KCNAB1: variants seen among roughly 807,000 people sequenced by gnomAD.
KCNAB1 encodes potassium voltage-gated channel subfamily A regulatory beta subunit 1.
Under a neutral mutation model 64.6 loss-of-function variants are expected in KCNAB1, and 35 were observed. That is an observed-to-expected ratio of 0.54 (90% CI 0.41 to 0.72). KCNAB1 has a LOEUF of 0.72. KCNAB1 is among the 30% of genes least tolerant of loss of function. The pLI is 0.00. For missense variants in KCNAB1, 401 were observed against 512.9 expected, an observed-to-expected ratio of 0.78 and a Z score of 2.11; for synonymous variants, 177 against 183.8, an observed-to-expected ratio of 0.96 and a Z score of 0.30.
At chr3:156,314,821 T>A (rs1241399629) in intron 1 of KCNAB1, among the ~76,000 whole-genome samples, 1 of 152,194 alleles carries the variant, frequency 6.6e-6, no homozygotes, top group Non-Finnish European at 1.5e-5. Flanking sequence ...AAAACCAGCC[T>A]GGCCAACATG....
chr3:156,278,180 A>G (rs901261649), intron 1 of KCNAB1, among the ~76,000 whole-genome samples: 4 of 152,242 alleles, frequency 2.6e-5, no homozygotes, highest in Non-Finnish European at 4.4e-5. Context: ...TGAGATAAAG[A>G]GACATGTAAT....
chr3:156,410,505 G>C (rs1714573660), intron 1 of KCNAB1, among the ~76,000 whole-genome samples: 1 of 152,100 alleles, frequency 6.6e-6, no homozygotes, highest in African/African-American at 2.4e-5. Context: ...AATTTGCATA[G>C]AGTGAAATTC....
chr3:156,220,876 C>T (rs1576618452), intron 1 of KCNAB1, among the ~76,000 whole-genome samples: 1 of 152,180 alleles, frequency 6.6e-6, no homozygotes, highest in East Asian at 1.9e-4. Context: ...TTTAATCTGT[C>T]TTGACTTAAT....
chr3:156,260,983 C>G (rs1252947734), intron 1 of KCNAB1, among the ~76,000 whole-genome samples: 3 of 152,060 alleles, frequency 2.0e-5, no homozygotes, highest in Admixed American at 6.5e-5. Flanking sequence ...TTTGCATTTC[C>G]TTAATGACTA....
upstream of KCNAB1, chr3:156,120,456 C>A: frequency 4.8e-6 from 4 of 840,936 alleles, no homozygotes; most frequent in Non-Finnish European, 7.6e-6. Context: ...ACATTTTCAT[C>A]CCAAGCCACA....
chr3:156,203,287 C>T (rs1029488556), intron 1 of KCNAB1, among the ~76,000 whole-genome samples: 1 of 152,150 alleles, frequency 6.6e-6, no homozygotes, highest in Non-Finnish European at 1.5e-5. Context: ...TTCTCTGGTC[C>T]TATAAAAGTT....
intron 7 of KCNAB1, among the ~76,000 whole-genome samples, chr3:156,466,418 T>TAATG (rs1281112888): frequency 1.3e-5 from 2 of 152,282 alleles, no homozygotes; most frequent in Admixed American, 1.3e-4. Context: ...CTACTCTGAA[T>TAATG]AATGCTGCTA....
rs369634615 is a variant in KCNAB1, at chr3:156,144,996, C to T, written c.275+24110C>T. Among the ~76,000 whole-genome samples, 65 of 152,264 alleles carry T rather than the reference C, an allele frequency of 4.3e-4. No individual in the cohort carries two copies. In the South Asian group the frequency reaches 5.2e-3, roughly 12 times the overall value. On this transcript the variant is annotated intron_variant, in intron 1 of 13. Coordinates refer to ENST00000490337, the MANE Select transcript of KCNAB1 (RefSeq NM_172160.3). ...AAGCTGCCTCAGCTAAAGGTGGGAG[C>T]TTGGAGCCCACCTGCTTGAGGGGAG... is the stretch of plus-strand genomic sequence containing the variant.
intron 1 of KCNAB1, among the ~76,000 whole-genome samples, chr3:156,396,424 A>T (rs1356112189): frequency 6.6e-6 from 1 of 152,212 alleles, no homozygotes; most frequent in African/African-American, 2.4e-5. Context: ...CTTAAAACAC[A>T]TCTTTTCAAT....
At chr3:156,308,659 A>G (rs1560187339) in intron 1 of KCNAB1, among the ~76,000 whole-genome samples, 1 of 152,184 alleles carries the variant, frequency 6.6e-6, no homozygotes, top group Admixed American at 6.5e-5. Context: ...TACGTTCTTG[A>G]TGCTGGCCAA....
chr3:156,241,008 G>C (rs1182426662), intron 1 of KCNAB1, among the ~76,000 whole-genome samples: 1 of 152,142 alleles, frequency 6.6e-6, no homozygotes, highest in Non-Finnish European at 1.5e-5. Flanking sequence ...TGAGGGAGCT[G>C]GGGTATTTGT....
intron 1 of KCNAB1, among the ~76,000 whole-genome samples, chr3:156,355,790 T>C (rs1343317167): frequency 6.6e-6 from 1 of 152,140 alleles, no homozygotes; most frequent in Non-Finnish European, 1.5e-5. Context: ...TATTTTATTA[T>C]TCTAAAGTGC....
chr3:156,285,646 A>G (rs949011956), intron 1 of KCNAB1, among the ~76,000 whole-genome samples: 1 of 152,126 alleles, frequency 6.6e-6, no homozygotes, highest in South Asian at 2.1e-4. Flanking sequence ...GACCACAAGT[A>G]GGGGCCATCA....
intron 1 of KCNAB1, among the ~76,000 whole-genome samples, chr3:156,360,240 G>A (rs1725515180): frequency 6.6e-6 from 1 of 152,132 alleles, no homozygotes; most frequent in Non-Finnish European, 1.5e-5. Context: ...CAGCTCTGGG[G>A]CTCTAGATAC....
chr3:156,467,629 A>AAT (rs61402989), intron 7 of KCNAB1, among the ~76,000 whole-genome samples: 21,598 of 151,720 alleles, frequency 0.14, 2,805 homozygotes, highest in African/African-American at 0.35. Context: ...TTATATTTTA[A>AAT]ATATATATAT....
At chr3:156,143,582 T>G (rs201405721) in intron 1 of KCNAB1, among the ~76,000 whole-genome samples, 31 of 32,976 alleles carry the variant, frequency 9.4e-4, no homozygotes, top group Middle Eastern at 0.031. Context: ...TTTTTTTTTT[T>G]TTTTTTTTTT....
intron 1 of KCNAB1, among the ~76,000 whole-genome samples, chr3:156,225,917 A>G (rs564092100): frequency 4.6e-5 from 7 of 152,342 alleles, no homozygotes; most frequent in Admixed American, 2.6e-4. Context: ...CACTGCTGAA[A>G]GAAAACATAG....
chr3:156,451,706 G>A (rs916153691), intron 2 of KCNAB1, among the ~76,000 whole-genome samples: 6 of 152,042 alleles, frequency 3.9e-5, no homozygotes, highest in South Asian at 4.2e-4. Context: ...CACTCCTGCC[G>A]TCCCTCCCTG....
At chr3:156,179,960 A>G (rs985746899) in intron 1 of KCNAB1, among the ~76,000 whole-genome samples, 7 of 152,236 alleles carry the variant, frequency 4.6e-5, no homozygotes, top group Admixed American at 4.6e-4. Context: ...TTTAATGCTG[A>G]CATTGTATCG....
Sources: allele counts gnomAD v4.1 joint callset (sites outside exome capture counted in the v4.1 genomes callset), GRCh38; gene constraint gnomAD v4.1.1; transcripts MANE v1.5; gene names NCBI Gene and HGNC (gene_info 2026-07-23, HGNC 2026-07-21).